Variants in CTNND2 observed in about 807,000 individuals in gnomAD.
CTNND2 encodes the protein catenin delta 2, also known as catenin delta-2.
Under a neutral mutation model 144.4 loss-of-function variants are expected in CTNND2, and 22 were observed. The observed-to-expected ratio is 0.15, with a 90% CI of 0.11 to 0.22. The LOEUF (loss-of-function observed/expected upper bound fraction) is 0.22. Ranked by LOEUF, CTNND2 falls within the 10% of genes least tolerant of loss-of-function variation. The pLI is 1.00. For synonymous variants in CTNND2, 751 were observed against 695.6 expected (o/e 1.08, Z -1.25); for missense variants, 1,353 against 1,618.8 (o/e 0.84, Z 2.82).
chr5:11,310,807 C>T (rs1272975529), intron 9 of CTNND2, among the ~76,000 whole-genome samples: 2 of 150,806 alleles, frequency 1.3e-5, no homozygotes, highest in African/African-American at 4.9e-5. Context: ...ACACCCTCAC[C>T]CCACATGCAC....
intron 12 of CTNND2, among the ~76,000 whole-genome samples, chr5:11,123,561 T>A (rs1754358556): frequency 6.6e-6 from 1 of 152,228 alleles, no homozygotes; most frequent in African/African-American, 2.4e-5. Context: ...TCCATGAGGA[T>A]CTAATCTACA....
Position 11,285,631 on chromosome 5 carries a change from T to A in CTNND2, c.1629-48808A>T, listed in dbSNP as rs531706860. On this transcript the variant is annotated intron_variant, in intron 9 of 21. Transcript: ENST00000304623. ...GACAGCTGGCCCCTCTGCAACAACC[T>A]CTTATGACTGCAGTAGAATGAAACG... is the stretch of plus-strand genomic sequence containing the variant. Among the ~76,000 whole-genome samples, 14 of 152,176 alleles carry A rather than the reference T, an allele frequency of 9.2e-5. No homozygotes were observed. In the South Asian group the frequency reaches 2.7e-3, roughly 29 times the overall value.
intron 7 of CTNND2, among the ~76,000 whole-genome samples, chr5:11,379,591 C>G (rs187016004): frequency 3.9e-3 from 596 of 151,394 alleles, no homozygotes; most frequent in Middle Eastern, 0.014. Context: ...AACTTTGGGT[C>G]AGGAAAAAAT....
chr5:11,082,617 T>C lies in CTNND2; in HGVS notation c.2788+79A>G, dbSNP rs377558101. On this transcript the variant is annotated intron_variant, in intron 16 of 21. Coordinates refer to ENST00000304623, the MANE Select transcript of CTNND2 (RefSeq NM_001332.4). Reference sequence around the variant, plus strand: ...CTTCTGTGTAAGCATAGGCTATGCATACGGGTTCAACCACACCTACCCCTA... The same window carrying C: ...CTTCTGTGTAAGCATAGGCTATGCACACGGGTTCAACCACACCTACCCCTA... The C allele has an allele frequency of 1.9e-5, 29 of 1,526,224 alleles. No individual in the cohort carries two copies. In the East Asian group the frequency reaches 4.8e-4, roughly 25 times the overall value. The allele number at this position is 1,526,224 out of a possible 1,614,324, so 94.5% of individuals were successfully genotyped here.
intron 2 of CTNND2, among the ~76,000 whole-genome samples, chr5:11,573,210 T>C (rs1777713821): frequency 6.6e-6 from 1 of 152,234 alleles, no homozygotes. Context: ...AGGTACATGA[T>C]AAGTAATTGC....
intron 3 of CTNND2, among the ~76,000 whole-genome samples, chr5:11,494,528 C>A (rs1769753303): frequency 1.3e-5 from 2 of 151,998 alleles, no homozygotes; most frequent in African/African-American, 4.8e-5. Flanking sequence ...GGTGCTGCCA[C>A]CTTTTGGTTG....
intron 16 of CTNND2, among the ~76,000 whole-genome samples, chr5:11,045,465 G>C (rs931135131): frequency 8.5e-5 from 13 of 152,168 alleles, no homozygotes; most frequent in Non-Finnish European, 1.5e-4. Context: ...AGCCATTACT[G>C]AGGGATCTGT....
Position 11,706,959 on chromosome 5 carries a change from G to A in CTNND2, c.174+25177C>T, listed in dbSNP as rs1404163960. ...AAATTAGCCTGGCGTTGTGGCGGGC[G>A]CCTGTAGTCCCAGCTACTCGGGAGG... On this transcript the variant is annotated intron_variant, in intron 2 of 21. Coordinates refer to ENST00000304623, the MANE Select transcript of CTNND2 (RefSeq NM_001332.4). Among the ~76,000 whole-genome samples, 6 of 151,630 alleles carry A rather than the reference G, an allele frequency of 4.0e-5. 1 individual carries two copies. The highest frequency in any genetic ancestry group is 4.2e-4 in the South Asian group (2 of 4,804).
chr5:11,756,129 A>G (rs1044894684), intron 1 of CTNND2, among the ~76,000 whole-genome samples: 4 of 151,696 alleles, frequency 2.6e-5, no homozygotes, highest in African/African-American at 9.7e-5. Context: ...TTGTGCCTAG[A>G]TTTAACATAA....
At chr5:11,855,365 G>C (rs1795205353) in intron 1 of CTNND2, among the ~76,000 whole-genome samples, 1 of 152,164 alleles carries the variant, frequency 6.6e-6, no homozygotes, top group Admixed American at 6.5e-5. Flanking sequence ...TGGAAAAACA[G>C]AGACCAATTG....
intron 1 of CTNND2, among the ~76,000 whole-genome samples, chr5:11,790,071 A>T (rs540247062): frequency 1.3e-5 from 2 of 152,316 alleles, no homozygotes; most frequent in African/African-American, 4.8e-5. Context: ...TGCTATAACT[A>T]GTTTTTATGC....
At chr5:11,347,988 T>C (rs1046462322) in intron 8 of CTNND2, among the ~76,000 whole-genome samples, 1 of 152,186 alleles carries the variant, frequency 6.6e-6, no homozygotes, top group Non-Finnish European at 1.5e-5. Context: ...TCTTTCCCAG[T>C]GAACTTTCAA....
Position 11,384,804 on chromosome 5 carries a change from G to T in CTNND2, c.1038C>A (p.Ile346=), listed in dbSNP as rs1268557959. ...TGCCGATGGTGGAGCTCAGCTGGTG[G>T]ATGGGCGAGGAGGAGATGGTGGACT... The part of the protein sequence containing the change: ...TVQSTISSSP[I]HQLSSTIGTY... The change falls in exon 7 of 22, where the codon ATC becomes ATA. Residue 346 remains isoleucine, a synonymous_variant. Coordinates refer to ENST00000304623, the MANE Select transcript of CTNND2 (RefSeq NM_001332.4). The surrounding 1 kb of genome is among the most constrained non-coding windows in gnomAD (Gnocchi z 5.2). 1.2e-6 allele frequency: 2 copies of T among 1,613,352 alleles called. No homozygotes were observed. Among genetic ancestry groups the T allele is most frequent in the East Asian group, 2.2e-5 (1 of 44,840 alleles).
intron 3 of CTNND2, among the ~76,000 whole-genome samples, chr5:11,505,444 TTAA>T (rs1770942595): frequency 6.6e-6 from 1 of 152,196 alleles, no homozygotes; most frequent in African/African-American, 2.4e-5. Flanking sequence ...AATAAACCGC[TTAA>T]TGTTTGCAAG....
chr5:11,082,866 G>A lies in CTNND2; in HGVS notation c.2638-20C>T, dbSNP rs199646063. The A allele has an allele frequency of 3.4e-5, 55 of 1,612,274 alleles. No homozygotes were observed. The African/African-American group carries it at 5.1e-4, about 15-fold the overall frequency. On this transcript the variant is annotated intron_variant, in intron 15 of 21. Coordinates refer to ENST00000304623, the MANE Select transcript of CTNND2 (RefSeq NM_001332.4). ...TGACCACTGCAAAAACAGGGAAGGC[G>A]AAGGGCGTTAGAAACAGGAAGAAAC...
chr5:11,715,778 C>T (rs879553837), intron 2 of CTNND2, among the ~76,000 whole-genome samples: 10 of 152,020 alleles, frequency 6.6e-5, no homozygotes, highest in African/African-American at 2.2e-4. Flanking sequence ...CATTTGGTTG[C>T]GACAGAAGGT....
chr5:11,293,064 G>A (rs1748532173), intron 9 of CTNND2, among the ~76,000 whole-genome samples: 1 of 152,192 alleles, frequency 6.6e-6, no homozygotes, highest in Admixed American at 6.5e-5. Flanking sequence ...GTCATCTAGA[G>A]TTAGAGATTC....
intron 3 of CTNND2, among the ~76,000 whole-genome samples, chr5:11,461,230 C>T (rs61758959): frequency 0.019 from 2,956 of 151,930 alleles, 77 homozygotes; most frequent in African/African-American, 0.064. Context: ...AATAAACGTG[C>T]GCTGAAGGGA....
chr5:11,335,306 G>T (rs779017796), intron 9 of CTNND2, among the ~76,000 whole-genome samples: 3 of 152,170 alleles, frequency 2.0e-5, no homozygotes, highest in African/African-American at 4.8e-5. Context: ...AACATCTCAA[G>T]AAGCAATGGA....
Sources: gnomAD v4.1 joint callset for allele counts (sites outside exome capture counted in the v4.1 genomes callset) on GRCh38, gnomAD v4.1.1 for gene constraint, Gnocchi (gnomAD v3.1) non-coding constraint, MANE v1.5 for transcripts, NCBI Gene and HGNC (gene_info 2026-07-23, HGNC 2026-07-21) for gene names.